Variants in MCTP1 observed in about 807,000 individuals in gnomAD.
MCTP1 encodes multiple C2 and transmembrane domain containing 1.
Under a neutral mutation model 120.6 loss-of-function variants are expected in MCTP1, and 69 were observed. The ratio of observed to expected loss-of-function variants is 0.57; its 90% CI spans 0.47 to 0.70. The LOEUF is 0.70. MCTP1 is among the 30% of genes least tolerant of loss of function. The pLI is 0.00. For synonymous variants in MCTP1, 529 were observed against 493.1 expected (o/e 1.07, Z -0.96); for missense variants, 1,203 against 1,248.8 (o/e 0.96, Z 0.55).
Position 94,714,868 on chromosome 5 carries a change from A to G in MCTP1, c.2629T>C (p.Phe877Leu), listed in dbSNP as rs746325571. 3 of 1,609,246 alleles carry G rather than the reference A, an allele frequency of 1.9e-6. No individual in the cohort carries two copies. Among genetic ancestry groups the G allele is most frequent in the Non-Finnish European group, 2.6e-6 (3 of 1,175,884 alleles). Reference protein sequence around the residue: ...KDDKDSEKKGFINKIYAIQEV... With the variant: ...KDDKDSEKKGLINKIYAIQEV... ...TGGATGGCATAGATTTTATTTATAA[A>G]TCCCTTTTTTTCACTGTCCTAAAAT... Residue 877 changes from phenylalanine to leucine, a missense_variant, in exon 20 of 23, where the codon TTT becomes CTT. Transcript: ENST00000515393.
At chr5:95,138,619 C>T (rs1759643379) in intron 1 of MCTP1, among the ~76,000 whole-genome samples, 1 of 152,148 alleles carries the variant, frequency 6.6e-6, no homozygotes, top group Non-Finnish European at 1.5e-5. Flanking sequence ...AATAGGTCTG[C>T]TAACCAAAGG....
chr5:95,121,576 A>C (rs2152408540), intron 1 of MCTP1, among the ~76,000 whole-genome samples: 1 of 152,194 alleles, frequency 6.6e-6, no homozygotes, highest in African/African-American at 2.4e-5. Context: ...ATACCAACCA[A>C]AGCAATCTAT....
At chr5:94,878,609 TA>T (rs1336176757) in intron 12 of MCTP1, among the ~76,000 whole-genome samples, 1 of 152,180 alleles carries the variant, frequency 6.6e-6, no homozygotes, top group African/African-American at 2.4e-5. Flanking sequence ...ACCAGAACTG[TA>T]TTATAAAGGA....
At chr5:94,952,000 C>A (rs1031503760) in intron 3 of MCTP1, among the ~76,000 whole-genome samples, 1 of 151,700 alleles carries the variant, frequency 6.6e-6, no homozygotes, top group Non-Finnish European at 1.5e-5. Context: ...GGTGAAATGC[C>A]ATCTCTACTA....
intron 1 of MCTP1, among the ~76,000 whole-genome samples, chr5:95,120,176 C>CAAA (rs56354602): frequency 0.54 from 63,622 of 117,656 alleles, 19,957 homozygotes; most frequent in Middle Eastern, 0.64. Flanking sequence ...GACTCCATCT[C>CAAA]AAAAAAAAAA....
At chr5:94,751,163 G>C (rs971267534) in intron 19 of MCTP1, among the ~76,000 whole-genome samples, 13 of 152,134 alleles carry the variant, frequency 8.5e-5, no homozygotes, top group African/African-American at 2.9e-4. Flanking sequence ...TCCTGACAGA[G>C]TGATAAGTCA....
At chr5:95,057,714 G>C (rs1747796028) in intron 1 of MCTP1, among the ~76,000 whole-genome samples, 1 of 152,084 alleles carries the variant, frequency 6.6e-6, no homozygotes, top group Non-Finnish European at 1.5e-5. Flanking sequence ...CCTTTAGATG[G>C]CATTTCGTAC....
intron 17 of MCTP1, among the ~76,000 whole-genome samples, chr5:94,803,998 C>T (rs143274610): frequency 1.3e-5 from 2 of 152,140 alleles, no homozygotes; most frequent in Non-Finnish European, 1.5e-5. Context: ...GAAAGCCAGA[C>T]AGCATCCAAA....
chr5:94,803,256 T>C (rs1781565941), intron 17 of MCTP1, among the ~76,000 whole-genome samples: 1 of 152,220 alleles, frequency 6.6e-6, no homozygotes, highest in Non-Finnish European at 1.5e-5. Flanking sequence ...CAAATGGTAA[T>C]AAGTACACAC....
intron 17 of MCTP1, among the ~76,000 whole-genome samples, chr5:94,803,282 A>G (rs1781573884): frequency 6.6e-6 from 1 of 152,218 alleles, no homozygotes; most frequent in Admixed American, 6.5e-5. Flanking sequence ...CTTTCATTAG[A>G]AAAAGAACAT....
chr5:94,747,382 A>C (rs999010296), intron 19 of MCTP1, among the ~76,000 whole-genome samples: 2 of 152,180 alleles, frequency 1.3e-5, no homozygotes, highest in Non-Finnish European at 2.9e-5. Flanking sequence ...TTTGCAGATG[A>C]GGAGACAGAG....
chr5:95,245,937 C>T (rs1756723002), intron 1 of MCTP1, among the ~76,000 whole-genome samples: 1 of 152,160 alleles, frequency 6.6e-6, no homozygotes, highest in Non-Finnish European at 1.5e-5. Context: ...AGAGAAAAGT[C>T]GGGTTACCCA....
chr5:95,194,898 C>G (rs1238822347), intron 1 of MCTP1, among the ~76,000 whole-genome samples: 1 of 152,134 alleles, frequency 6.6e-6, no homozygotes, highest in Non-Finnish European at 1.5e-5. Context: ...AGAGGGATGA[C>G]AGAGAAAAGG....
chr5:95,236,012 G>A (rs1378710855), intron 1 of MCTP1, among the ~76,000 whole-genome samples: 1 of 152,116 alleles, frequency 6.6e-6, no homozygotes, highest in Non-Finnish European at 1.5e-5. Flanking sequence ...GGTGCCCAAG[G>A]ATCTGTATGT....
At chr5:94,891,436 G>A (rs896201632) in intron 11 of MCTP1, among the ~76,000 whole-genome samples, 5 of 152,100 alleles carry the variant, frequency 3.3e-5, no homozygotes, top group African/African-American at 1.2e-4. Context: ...GTAAGTCTTC[G>A]ACCCTAATGA....
intron 2 of MCTP1, among the ~76,000 whole-genome samples, chr5:94,996,681 A>AC (rs1474160283): frequency 6.6e-6 from 1 of 152,122 alleles, no homozygotes; most frequent in Non-Finnish European, 1.5e-5. Flanking sequence ...GATGCAACCA[A>AC]CCATATTTTA....
At chr5:95,176,166 A>G (rs1044219834) in intron 1 of MCTP1, among the ~76,000 whole-genome samples, 1 of 151,526 alleles carries the variant, frequency 6.6e-6, no homozygotes, top group Non-Finnish European at 1.5e-5. Flanking sequence ...GATAAAATGT[A>G]TTTTTTTTTA....
chr5:94,797,813 A>G (rs1162908719), intron 18 of MCTP1, among the ~76,000 whole-genome samples: 1 of 152,126 alleles, frequency 6.6e-6, no homozygotes, highest in Non-Finnish European at 1.5e-5. Context: ...AATATGGTGC[A>G]TTGTTGGCAA....
At chr5:94,966,636 A>G (rs1401757793) in intron 2 of MCTP1, among the ~76,000 whole-genome samples, 1 of 152,196 alleles carries the variant, frequency 6.6e-6, no homozygotes, top group South Asian at 2.1e-4. Flanking sequence ...TCTACTAAAA[A>G]TACAAAAAAT....
Sources: gnomAD v4.1 joint callset for allele counts (sites outside exome capture counted in the v4.1 genomes callset) on GRCh38, gnomAD v4.1.1 for gene constraint, MANE v1.5 for transcripts, NCBI Gene and HGNC (gene_info 2026-07-23, HGNC 2026-07-21) for gene names.